The following ZFYVE16 variants were observed in gnomAD, a reference collection of about 807,000 sequenced individuals.
The protein encoded by ZFYVE16 is zinc finger FYVE-type containing 16.
A neutral mutation model predicts 138.1 loss-of-function variants in ZFYVE16; 89 were observed. That is an observed-to-expected ratio of 0.64 (90% CI 0.54 to 0.77). The LOEUF (loss-of-function observed/expected upper bound fraction) is 0.77, where lower values mean the gene tolerates loss of function less well. Ranked by LOEUF, ZFYVE16 falls within the 30% of genes least tolerant of loss-of-function variation. ZFYVE16 has a pLI of 0.00. For missense variants in ZFYVE16, 1,793 were observed against 1,786.7 expected (o/e 1.00, Z -0.06); for synonymous variants, 596 against 618.3 (o/e 0.96, Z 0.53).
intron 1 of ZFYVE16, among the ~76,000 whole-genome samples, chr5:80,419,687 C>T (rs1393711096): frequency 6.6e-6 from 1 of 151,902 alleles, no homozygotes; most frequent in Non-Finnish European, 1.5e-5. Flanking sequence ...GATTCTTTCT[C>T]TTTTCATATA....
At chr5:80,451,440 TAACAA>T (rs766338339) in intron 10 of ZFYVE16, 40 bp from the exon 11 acceptor site, 41 of 1,487,068 alleles carry the variant, frequency 2.8e-5, no homozygotes, top group Non-Finnish European at 3.7e-5. Flanking sequence ...TTCAAAACAA[TAACAA>T]AACAACTTAA....
chr5:80,437,556 G>C lies in ZFYVE16; in HGVS notation c.871G>C (p.Glu291Gln). Reference sequence around the variant, plus strand: ...AGATGTGGCAGTCATAACTGCCGCAGAATGTTTAAAAGAAGAGGGCAAGAC... The same window carrying C: ...AGATGTGGCAGTCATAACTGCCGCACAATGTTTAAAAGAAGAGGGCAAGAC... ...EVDVAVITAAECLKEEGKTSA... is the reference protein window; with the variant it reads ...EVDVAVITAAQCLKEEGKTSA... Residue 291 changes from glutamate to glutamine, a missense_variant, in exon 4 of 19, where the codon GAA becomes CAA. Around this residue, in one of 2 missense-constraint regions of ZFYVE16, gnomAD observed 1,295 missense variants for 1,204.3 expected, o/e 1.08. Transcript: ENST00000505560. 6.2e-7 allele frequency: 1 copy of C among 1,614,118 alleles called. No homozygotes were observed. The highest frequency in any genetic ancestry group is 8.5e-7 in the Non-Finnish European group (1 of 1,179,988).
rs1261972393 is a variant in ZFYVE16 at position 80,482,529 on chromosome 5, AAAAC to A, written c.*5156_*5159del. 4 of 152,254 alleles carry A rather than the reference AAAAC, an allele frequency of 2.6e-5. No homozygotes were observed. Among genetic ancestry groups the A allele is most frequent in the Admixed American group, 2.6e-4 (4 of 15,292 alleles). 9.4% of individuals were successfully genotyped at this position (152,254 alleles called of 1,614,324 possible). A position where few individuals can be genotyped will look rare whatever the true frequency, so the allele number is the denominator to read the frequency against. On this transcript the variant is annotated 3_prime_UTR_variant, in exon 19 of 19. Coordinates refer to ENST00000505560, the MANE Select transcript of ZFYVE16 (RefSeq NM_001284236.3). The stretch of plus-strand genomic sequence containing the variant: ...CTAAAAACTTCCAAACATCTGGCAA[AAAAC>A]AAATATTCACATACATTTACATAGC...
intron 15 of ZFYVE16, among the ~76,000 whole-genome samples, chr5:80,470,094 TGTG>T (rs1754182111): frequency 1.9e-5 from 1 of 51,744 alleles, no homozygotes; most frequent in Non-Finnish European, 5.4e-5. Flanking sequence ...TGTGTGTGTG[TGTG>T]TGTATTTTTT....
intron 2 of ZFYVE16, 144 bp from the exon 3 acceptor site, chr5:80,433,965 C>T (rs773630790): frequency 7.9e-6 from 4 of 509,430 alleles, no homozygotes; most frequent in Non-Finnish European, 1.4e-5. Flanking sequence ...GCAGTTTCCC[C>T]AACTAAATTG....
At chr5:80,476,887 A>AT (rs1408145329) in intron 18 of ZFYVE16, among the ~76,000 whole-genome samples, 3 of 152,138 alleles carry the variant, frequency 2.0e-5, no homozygotes, top group East Asian at 1.9e-4. Context: ...TTTCAAGTAG[A>AT]TTTTTTTAAT....
rs1448546375 is a variant in ZFYVE16 at position 80,479,209 on chromosome 5, GA to G, written c.*1835del. 1 of 152,102 alleles carries G rather than the reference GA, an allele frequency of 6.6e-6. No individual in the cohort carries two copies. Among genetic ancestry groups the G allele is most frequent in the Non-Finnish European group, 1.5e-5 (1 of 67,998 alleles). The allele number at this position is 152,102 out of a possible 1,614,324, so 9.4% of individuals were successfully genotyped here. A position where few individuals can be genotyped will look rare whatever the true frequency, so the allele number is the denominator to read the frequency against. ...TTATTTGGTCATTGGTACTTAATTTGAAATTTTAATTTTTTAAGAGAAGAAA... is the reference window on the plus strand; with the variant it reads ...TTATTTGGTCATTGGTACTTAATTTGAATTTTAATTTTTTAAGAGAAGAAA... On this transcript the variant is annotated 3_prime_UTR_variant, in exon 19 of 19. Coordinates refer to ENST00000505560, the MANE Select transcript of ZFYVE16 (RefSeq NM_001284236.3).
intron 1 of ZFYVE16, among the ~76,000 whole-genome samples, chr5:80,417,057 C>T (rs1746359635): frequency 6.6e-6 from 1 of 152,194 alleles, no homozygotes; most frequent in Non-Finnish European, 1.5e-5. Flanking sequence ...TCTTCCTCCC[C>T]TGCCATAACC....
In ZFYVE16 at chr5:80,455,539, CAAAA is replaced by C. The variant is rs1006587817; in HGVS notation, c.3608-146_3608-143del. ...ACAGAGTGAGACCTTGTCTCAAAAACAAAAAAAAAATTATCTCTCACTTTCCCCT... is the reference window on the plus strand; with the variant it reads ...ACAGAGTGAGACCTTGTCTCAAAAACAAAAAATTATCTCTCACTTTCCCCT... On this transcript the variant is annotated intron_variant, in intron 11 of 18. Coordinates refer to ENST00000505560, the MANE Select transcript of ZFYVE16 (RefSeq NM_001284236.3). 5.5e-6 allele frequency: 3 copies of C among 549,482 alleles called. No homozygotes were observed. In the African/African-American group the frequency reaches 6.1e-5, roughly 11 times the overall value. 34.0% of individuals were successfully genotyped at this position (549,482 alleles called of 1,614,324 possible).
rs1754715759 is a variant in ZFYVE16 at position 80,474,681 on chromosome 5, G to A, written c.4312G>A (p.Asp1438Asn). 3 of 1,612,550 alleles carry A rather than the reference G, an allele frequency of 1.9e-6. No individual in the cohort carries two copies. The South Asian group carries it at 3.3e-5, about 18-fold the overall frequency. ...KCTEVFYFLK[D>N]QDLSILSTSY... The stretch of plus-strand genomic sequence containing the variant: ...ATTTCAGGTGTTCTACTTTCTAAAG[G>A]ACCAGGATTTATCTATTTTATCAAC... Residue 1438 changes from aspartate to asparagine, a missense_variant, in exon 18 of 19, where the codon GAC (aspartate) becomes AAC (asparagine). This residue lies in a region of ZFYVE16 where 498 missense variants were observed against 582.4 expected (regional missense o/e 0.86). Coordinates refer to ENST00000505560, the MANE Select transcript of ZFYVE16 (RefSeq NM_001284236.3).
At chr5:80,468,027 C>T (rs1222953317) in intron 15 of ZFYVE16, among the ~76,000 whole-genome samples, 1 of 151,928 alleles carries the variant, frequency 6.6e-6, no homozygotes, top group African/African-American at 2.4e-5. Context: ...GCACCTGTAC[C>T]CCAAGCTACT....
intron 15 of ZFYVE16, among the ~76,000 whole-genome samples, chr5:80,462,077 T>C (rs1753181184): frequency 6.6e-6 from 1 of 152,162 alleles, no homozygotes; most frequent in Non-Finnish European, 1.5e-5. Flanking sequence ...CCAAATACAG[T>C]TACATTTCAG....
chr5:80,458,994 G>T (rs1032725974), intron 14 of ZFYVE16, among the ~76,000 whole-genome samples: 1 of 152,152 alleles, frequency 6.6e-6, no homozygotes, highest in East Asian at 1.9e-4. Context: ...GCAGTGGCGC[G>T]ATCTTGGCTC....
At chr5:80,408,400 A>G (rs765126462) in intron 1 of ZFYVE16, among the ~76,000 whole-genome samples, 15 of 152,234 alleles carry the variant, frequency 9.9e-5, no homozygotes, top group Non-Finnish European at 2.1e-4. Context: ...CGGGAGGGCA[A>G]TCACGGCGGC....
rs934725933 is a variant in ZFYVE16 at position 80,425,565 on chromosome 5, A to G, written c.-93-1927A>G. ...TATTTTTAAAAAGTAAGAGTTTGCA[A>G]TGGATTGGAGGTGTAAGAAAAATAT... On this transcript the variant is annotated intron_variant, in intron 1 of 18. Coordinates refer to ENST00000505560, the MANE Select transcript of ZFYVE16 (RefSeq NM_001284236.3). Among the ~76,000 whole-genome samples the G allele has an allele frequency of 3.9e-5, 6 of 152,200 alleles. No homozygotes were observed. In the East Asian group the frequency reaches 9.6e-4, roughly 24 times the overall value.
Position 80,438,921 on chromosome 5 carries a change from C to T in ZFYVE16, c.2236C>T (p.Pro746Ser), listed in dbSNP as rs1421320471. The T allele has an allele frequency of 1.2e-6, 2 of 1,614,048 alleles. No homozygotes were observed. Among genetic ancestry groups the T allele is most frequent in the Non-Finnish European group, 1.7e-6 (2 of 1,179,954 alleles). Residue 746 changes from proline (P) to serine (S), a missense_variant, in exon 4 of 19, where the codon CCT becomes TCT. Pro to Ser is a moderately conservative substitution (Grantham distance 74). This residue lies in a region of ZFYVE16 where 1,295 missense variants were observed against 1,204.3 expected (regional missense o/e 1.08). Coordinates refer to ENST00000505560, the MANE Select transcript of ZFYVE16 (RefSeq NM_001284236.3). ...GGGCCAGAAACAGCCTACTTGGGTT[C>T]CTGATTCAGAAGCTCCAAACTGTAT... ...VLGQKQPTWV[P>S]DSEAPNCMNC...
At chr5:80,419,169 C>A (rs1236644347) in intron 1 of ZFYVE16, among the ~76,000 whole-genome samples, 2 of 151,842 alleles carry the variant, frequency 1.3e-5, no homozygotes, top group Non-Finnish European at 2.9e-5. Flanking sequence ...CCTCAGCCTC[C>A]CTGGTTTCAG....
At chr5:80,475,649 T>C (rs1754831507) in intron 18 of ZFYVE16, among the ~76,000 whole-genome samples, 1 of 152,246 alleles carries the variant, frequency 6.6e-6, no homozygotes, top group Non-Finnish European at 1.5e-5. Flanking sequence ...TTCTTTAATA[T>C]ATCTTAAAGA....
At chr5:80,409,937 T>C (rs1251182341) in intron 1 of ZFYVE16, 2 of 152,168 alleles carry the variant, frequency 1.3e-5, no homozygotes, top group Admixed American at 6.5e-5. Flanking sequence ...TAGTGTTTTT[T>C]CTGTAAGTAG....
Sources: allele counts gnomAD v4.1 joint callset (sites outside exome capture counted in the v4.1 genomes callset), GRCh38; gene constraint gnomAD v4.1.1; regional missense constraint gnomAD v4.1.1; transcripts MANE v1.5; gene names NCBI Gene and HGNC (gene_info 2026-07-23, HGNC 2026-07-21).